MGRN1: variants seen among roughly 807,000 people sequenced by gnomAD.
The protein encoded by MGRN1 is mahogunin ring finger 1.
MGRN1 carries 29 observed loss-of-function variants against 69.2 expected under a neutral mutation model. The ratio of observed to expected loss-of-function variants is 0.42; its 90% confidence interval spans 0.31 to 0.57. The LOEUF (loss-of-function observed/expected upper bound fraction) is 0.57. Among genes scored for constraint, MGRN1 ranks in the 20% least tolerant of loss-of-function variants. The pLI is 0.15. For missense variants in MGRN1, 998 were observed against 796.2 expected, an observed-to-expected ratio of 1.25 and a Z score of -3.05; for synonymous variants, 470 against 344.2, an observed-to-expected ratio of 1.37 and a Z score of -4.04.
chr16:4,652,711 C>A lies in MGRN1; in HGVS notation c.330C>A (p.Asp110Glu). ...YKDDADSPTE[D>E]GDKPRVLYSL... ...ACGATGCCGACAGCCCCACCGAGGA[C>A]GGCGACAAGCCCCGGGTGCTCTACA... The change falls in exon 4 of 17, where the codon GAC (aspartate) becomes GAA (glutamate). Residue 110 changes from aspartate to glutamate, a missense_variant. Asp to Glu is a conservative substitution (Grantham distance 45). Coordinates refer to ENST00000262370, the MANE Select transcript of MGRN1 (RefSeq NM_015246.4). 1 of 1,612,758 alleles carries A rather than the reference C, an allele frequency of 6.2e-7. No individual in the cohort carries two copies. Among genetic ancestry groups the A allele is most frequent in the Non-Finnish European group, 8.5e-7 (1 of 1,179,372 alleles).
chr16:4,677,152 G>A, intron 10 of MGRN1: 1 of 251,560 alleles, frequency 4.0e-6, no homozygotes, highest in Non-Finnish European at 7.6e-6. Context: ...GCATGGCCTT[G>A]CTGTGTTTCC....
At chr16:4,657,405 A>C in intron 5 of MGRN1, 42 bp downstream of exon 5, 1 of 1,573,728 alleles carries the variant, frequency 6.4e-7, no homozygotes, top group Non-Finnish European at 8.7e-7. Context: ...GCTCCTCCTG[A>C]ATTCTCTCCC....
rs113765166 is a variant in MGRN1, at chr16:4,689,848, C to A, written c.*940C>A. ...TGGCTCAATCTCGGGTCACTGCAAC[C>A]TCCGCCTCCCGGGTTCAAGTGATCG... On this transcript the variant is annotated 3_prime_UTR_variant, in exon 17 of 17. Transcript: ENST00000262370. 3.6e-3 allele frequency: 549 copies of A among 151,520 alleles called. 2 individuals carry two copies. The highest frequency in any genetic ancestry group is 0.01 in the Middle Eastern group (3 of 292). 9.4% of individuals were successfully genotyped at this position (151,520 alleles called of 1,614,324 possible). A position where few individuals can be genotyped will look rare whatever the true frequency, so the allele number is the denominator to read the frequency against.
At chr16:4,641,234 C>G (rs986809089) in intron 1 of MGRN1, among the ~76,000 whole-genome samples, 2 of 152,250 alleles carry the variant, frequency 1.3e-5, no homozygotes, top group Admixed American at 6.5e-5. Context: ...GCGGCCCCGC[C>G]CCTAACACTT....
intron 1 of MGRN1, among the ~76,000 whole-genome samples, chr16:4,636,339 T>C (rs1167507990): frequency 1.3e-5 from 2 of 151,902 alleles, no homozygotes; most frequent in Non-Finnish European, 2.9e-5. Flanking sequence ...CTCTTCTTGC[T>C]CCACCTCAGG....
intron 1 of MGRN1, among the ~76,000 whole-genome samples, 191 bp downstream of exon 1, chr16:4,625,239 G>A (rs1489532088): frequency 6.6e-6 from 1 of 152,154 alleles, no homozygotes; most frequent in Non-Finnish European, 1.5e-5. Flanking sequence ...GAACCTGCCC[G>A]AGCCGTACCT....
At chr16:4,664,512 T>C in intron 5 of MGRN1, 197 bp from the exon 6 acceptor site, 2 of 605,912 alleles carry the variant, frequency 3.3e-6, no homozygotes, top group South Asian at 4.0e-5. Flanking sequence ...AGATTTTGTG[T>C]TGTATCTGTT....
chr16:4,642,146 TA>T (rs1555448327), intron 1 of MGRN1, among the ~76,000 whole-genome samples: 1 of 147,704 alleles, frequency 6.8e-6, no homozygotes, highest in African/African-American at 2.5e-5. Context: ...TTTTTTTTTT[TA>T]AAAAAGACCG....
At chr16:4,687,140 C>T (rs2079341609) in intron 16 of MGRN1, 1 of 985,480 alleles carries the variant, frequency 1.0e-6, no homozygotes, top group Non-Finnish European at 1.2e-6. Context: ...CTGTCCCTCC[C>T]AGTACTGGAA....
intron 16 of MGRN1, chr16:4,688,302 C>G: frequency 1.0e-6 from 1 of 986,894 alleles, no homozygotes; most frequent in Non-Finnish European, 1.2e-6. Flanking sequence ...CATTGGGGCT[C>G]TGTGGGAGGC....
intron 1 of MGRN1, among the ~76,000 whole-genome samples, chr16:4,645,271 T>C (rs1477090660): frequency 6.6e-6 from 1 of 152,100 alleles, no homozygotes; most frequent in African/African-American, 2.4e-5. Flanking sequence ...CAAGCGATCT[T>C]CCTGCCTCAG....
At chr16:4,664,890 C>T in intron 6 of MGRN1, 115 bp downstream of exon 6, 1 of 1,407,086 alleles carries the variant, frequency 7.1e-7, no homozygotes, top group Non-Finnish European at 1.0e-6. Flanking sequence ...GGGCCTTGGG[C>T]TTCCCACAGG....
intron 1 of MGRN1, among the ~76,000 whole-genome samples, chr16:4,632,714 G>A (rs796167924): frequency 6.6e-6 from 1 of 152,070 alleles, no homozygotes; most frequent in African/African-American, 2.4e-5. Context: ...TGGTATACTT[G>A]TGTTGTGCAG....
intron 3 of MGRN1, 101 bp downstream of exon 3, chr16:4,652,152 C>A: frequency 8.6e-7 from 1 of 1,167,234 alleles, no homozygotes; most frequent in East Asian, 2.6e-5. Context: ...GCGGGAGGGG[C>A]CCCAGTTTCT....
intron 1 of MGRN1, chr16:4,649,023 G>A (rs868795442): frequency 1.3e-5 from 2 of 154,310 alleles, no homozygotes; most frequent in Admixed American, 6.5e-5. Context: ...CATGCTCTCA[G>A]TGTTCCTTGG....
intron 1 of MGRN1, among the ~76,000 whole-genome samples, chr16:4,632,455 G>T (rs59732243): frequency 1.1e-4 from 16 of 151,554 alleles, no homozygotes; most frequent in African/African-American, 3.9e-4. Flanking sequence ...GTGCAGTGGC[G>T]CAATCTCTGC....
chr16:4,656,257 T>C (rs533089842), intron 4 of MGRN1, among the ~76,000 whole-genome samples: 1 of 152,184 alleles, frequency 6.6e-6, no homozygotes, highest in Non-Finnish European at 1.5e-5. Flanking sequence ...CTTGAAGCAG[T>C]GTTGGGAAAA....
At chr16:4,686,895 T>G in intron 16 of MGRN1, 1 of 985,536 alleles carries the variant, frequency 1.0e-6, no homozygotes, top group African/African-American at 1.7e-5. Flanking sequence ...GGATCACGTC[T>G]TCCCAAGCTC....
chr16:4,636,327 C>T (rs1235424784), intron 1 of MGRN1, among the ~76,000 whole-genome samples: 1 of 151,846 alleles, frequency 6.6e-6, no homozygotes, highest in South Asian at 2.1e-4. Context: ...TGGAAGGAGG[C>T]GCTCTTCTTG....
Sources: gnomAD v4.1 joint callset for allele counts (sites outside exome capture counted in the v4.1 genomes callset) on GRCh38, gnomAD v4.1.1 for gene constraint, MANE v1.5 for transcripts, NCBI Gene and HGNC (gene_info 2026-07-23, HGNC 2026-07-21) for gene names.